The following RAD54L variants were observed in gnomAD, a reference collection of about 807,000 sequenced individuals.
RAD54L encodes the protein DNA repair and recombination protein RAD54-like.
In RAD54L, 74 loss-of-function variants were observed where a neutral mutation model predicts 91.6. The ratio of observed to expected loss-of-function variants is 0.81; its 90% confidence interval spans 0.67 to 0.98. RAD54L has a LOEUF of 0.98. RAD54L is among the 50% of genes least tolerant of loss of function. The pLI, the probability that RAD54L is intolerant of heterozygous loss-of-function variation, is 0.00. For synonymous variants in RAD54L, 304 were observed against 349.7 expected (o/e 0.87, Z 1.46); for missense variants, 887 against 945.7 (o/e 0.94, Z 0.81).
In RAD54L at chr1:46,270,700, T is replaced by A; in HGVS notation, c.1084T>A (p.Leu362Met). Reference sequence around the variant, plus strand: ...CAAGAAGCATTTTGAATTGCCAATTTTGAAGGGTCGAGACGCTGCTGCTAG... The same window carrying A: ...CAAGAAGCATTTTGAATTGCCAATTATGAAGGGTCGAGACGCTGCTGCTAG... ...EFKKHFELPI[L>M]KGRDAAASEA... Residue 362 changes from leucine (L) to methionine (M), a missense_variant, in exon 10 of 18, where the codon TTG (leucine) becomes ATG (methionine). Physicochemically the swap from Leu to Met is conservative, Grantham distance 15. Coordinates refer to ENST00000371975, the MANE Select transcript of RAD54L (RefSeq NM_003579.4). 1 of 1,611,432 alleles carries A rather than the reference T, an allele frequency of 6.2e-7. No individual in the cohort carries two copies. Among genetic ancestry groups the A allele is most frequent in the South Asian group, 1.1e-5 (1 of 89,568 alleles).
chr1:46,261,196 T>G (rs1394716453), intron 7 of RAD54L, 65 bp from the exon 8 acceptor site: 19 of 1,587,720 alleles, frequency 1.2e-5, no homozygotes, highest in Non-Finnish European at 9.5e-6. Context: ...TGTCTAATTG[T>G]TTTTTTTGTT....
At chr1:46,274,041 T>G (rs987191101) in intron 14 of RAD54L, 97 bp from the exon 15 acceptor site, 2 of 1,248,750 alleles carry the variant, frequency 1.6e-6, no homozygotes, top group Non-Finnish European at 2.3e-6. Flanking sequence ...CAAGGGACTC[T>G]GCTTTCTTGG....
chr1:46,269,340 G>A (rs1215382475), intron 9 of RAD54L, among the ~76,000 whole-genome samples: 3 of 145,756 alleles, frequency 2.1e-5, no homozygotes, highest in Non-Finnish European at 4.5e-5. Context: ...ACAGGGTCTC[G>A]CTTTGTCACC....
At chr1:46,257,143 C>CAA (rs576146179) in intron 3 of RAD54L, among the ~76,000 whole-genome samples, 230 of 54,160 alleles carry the variant, frequency 4.2e-3, no homozygotes, top group African/African-American at 0.011. Context: ...GACTCCATCT[C>CAA]AAAAAAAAAA....
chr1:46,273,612 TG>T lies in RAD54L; in HGVS notation c.1487-11del. The T allele has an allele frequency of 1.2e-6, 2 of 1,613,186 alleles. No homozygotes were observed. Among genetic ancestry groups the T allele is most frequent in the Non-Finnish European group, 8.5e-7 (1 of 1,180,024 alleles). ...CAGCCAGTAGGGGACTGCTGGTTGC[TG>T]CTCTTCCCAGGTAAGATGCTGGTCC... On this transcript the variant is annotated splice_polypyrimidine_tract_variant and intron_variant, in intron 13 of 17. Coordinates refer to ENST00000371975, the MANE Select transcript of RAD54L (RefSeq NM_003579.4).
intron 16 of RAD54L, among the ~76,000 whole-genome samples, chr1:46,276,414 G>A (rs1660604176): frequency 6.6e-6 from 1 of 152,004 alleles, no homozygotes; most frequent in South Asian, 2.1e-4. Context: ...ATCCACCTTG[G>A]CCTTCCCAAG....
intron 14 of RAD54L, 108 bp from the exon 15 acceptor site, chr1:46,274,030 C>G: frequency 1.7e-6 from 2 of 1,170,218 alleles, no homozygotes; most frequent in Non-Finnish European, 2.5e-6. Flanking sequence ...CAGTGGCTCT[C>G]CAAGGGACTC....
chr1:46,267,815 C>T (rs1031850002), intron 9 of RAD54L: 1 of 662,026 alleles, frequency 1.5e-6, no homozygotes, highest in Non-Finnish European at 2.6e-6. Context: ...CCCATGTTGG[C>T]CATTTTTCCA....
In RAD54L at chr1:46,276,627, T is replaced by C. The variant is rs1569622683; in HGVS notation, c.1870-1190T>C. 4.6e-5 allele frequency among the ~76,000 whole-genome samples: 7 copies of C among 152,350 alleles called. No homozygotes were observed. The South Asian group carries it at 8.3e-4, about 18-fold the overall frequency. On this transcript the variant is annotated intron_variant, in intron 16 of 17. Transcript: ENST00000371975. ...TCTAACCTTGCTCTCCAAGCCCTCC[T>C]GAGGTCATGGTCATCTGTCACTTGG...
At chr1:46,258,362 C>T (rs1445837539) in intron 3 of RAD54L, among the ~76,000 whole-genome samples, 3 of 150,202 alleles carry the variant, frequency 2.0e-5, no homozygotes, top group African/African-American at 7.4e-5. Flanking sequence ...CCCTATATGA[C>T]AGTGGTTAAA....
intron 17 of RAD54L, 25 bp from the exon 18 acceptor site, chr1:46,278,047 C>T: frequency 6.2e-7 from 1 of 1,614,118 alleles, no homozygotes; most frequent in East Asian, 2.2e-5. Context: ...TCTGTAGTGA[C>T]TTCAGCTGTG....
At position 46,278,228 on chromosome 1, in the gene RAD54L, C is replaced by A. The variant is rs1048771; in HGVS notation, c.2190C>A (p.Ala730=). Residue 730 remains alanine (A), a synonymous_variant, in exon 18 of 18, where the codon GCC becomes GCA. Transcript: ENST00000371975. ...CTGCCTGGGATGCTGCCTCCACTGC[C>A]ATCACCTTCGTCTTCCACCAGCGTT... ...LQAAWDAAST[A]ITFVFHQRSH... 1 of 1,613,618 alleles carries A rather than the reference C, an allele frequency of 6.2e-7. No homozygotes were observed. The highest frequency in any genetic ancestry group is 1.3e-5 in the African/African-American group (1 of 75,006).
At chr1:46,267,352 C>G (rs1043358551) in intron 8 of RAD54L, 107 bp from the exon 9 acceptor site, 1 of 1,485,244 alleles carries the variant, frequency 6.7e-7, no homozygotes, top group Non-Finnish European at 9.3e-7. Flanking sequence ...GCATGAGCCA[C>G]GGCGCCCGGC....
rs2148298251 is a variant in RAD54L, at chr1:46,270,786, G to A, written c.1169+1G>A. 6.2e-7 allele frequency: 1 copy of A among 1,614,008 alleles called. No individual in the cohort carries two copies. Among genetic ancestry groups the A allele is most frequent in the Non-Finnish European group, 8.5e-7 (1 of 1,179,910 alleles). On this transcript the variant is annotated splice_donor_variant, in intron 10 of 17. Transcript: ENST00000371975. LOFTEE classifies it high-confidence loss of function. Reference sequence around the variant, plus strand: ...GGGAGCTCACCAGCATTGTGAATAGGTAATGACCTTAAGCGAAGTCATTAG... The same window carrying A: ...GGGAGCTCACCAGCATTGTGAATAGATAATGACCTTAAGCGAAGTCATTAG...
chr1:46,273,651 T>A lies in RAD54L; in HGVS notation c.1514T>A (p.Leu505Gln), dbSNP rs142028727. The part of the protein sequence containing the change: ...SGKMLVLDYI[L>Q]AVTRSRSSDK... Reference sequence around the variant, plus strand: ...AAGATGCTGGTCCTGGATTATATTCTGGCGGTGACCCGAAGCCGTAGCAGT... The same window carrying A: ...AAGATGCTGGTCCTGGATTATATTCAGGCGGTGACCCGAAGCCGTAGCAGT... The change falls in exon 14 of 18, where the codon CTG (leucine) becomes CAG (glutamine). Residue 505 changes from leucine (L) to glutamine (Q), a missense_variant. Leu to Gln is a moderately radical substitution (Grantham distance 113). Transcript: ENST00000371975. The A allele has an allele frequency of 1.2e-6, 2 of 1,613,844 alleles. No individual in the cohort carries two copies. The highest frequency in any genetic ancestry group is 2.7e-5 in the African/African-American group (2 of 74,904).
At chr1:46,264,481 G>C (rs1414893677) in intron 8 of RAD54L, among the ~76,000 whole-genome samples, 1 of 152,214 alleles carries the variant, frequency 6.6e-6, no homozygotes, top group Non-Finnish European at 1.5e-5. Flanking sequence ...GATCAGCTCT[G>C]GCTTTGCCAC....
At position 46,250,029 on chromosome 1, in the gene RAD54L, G is replaced by C; in HGVS notation, c.120G>C (p.Glu40Asp). Residue 40 changes from glutamate to aspartate, a missense_variant, in exon 3 of 18, where the codon GAG becomes GAC. Coordinates refer to ENST00000371975, the MANE Select transcript of RAD54L (RefSeq NM_003579.4). Reference sequence around the variant, plus strand: ...CTAGGAAACGGAAATCCAGCAGTGAGACCCAGATCCAGGAGTGTTTCCTGT... The same window carrying C: ...CTAGGAAACGGAAATCCAGCAGTGACACCCAGATCCAGGAGTGTTTCCTGT... ...VTPRKRKSSSETQIQECFLSP... is the reference protein window; with the variant it reads ...VTPRKRKSSSDTQIQECFLSP... The C allele has an allele frequency of 6.2e-7, 1 of 1,614,100 alleles. No homozygotes were observed. The highest frequency in any genetic ancestry group is 8.5e-7 in the Non-Finnish European group (1 of 1,179,968).
In RAD54L at chr1:46,278,411, C is replaced by G. The variant is rs1317477104; in HGVS notation, c.*129C>G. 9.1e-7 allele frequency: 1 copy of G among 1,097,754 alleles called. No individual in the cohort carries two copies. Among genetic ancestry groups the G allele is most frequent in the Non-Finnish European group, 1.3e-6 (1 of 755,876 alleles). The allele number at this position is 1,097,754 out of a possible 1,614,324, so 68.0% of individuals were successfully genotyped here. On this transcript the variant is annotated 3_prime_UTR_variant, in exon 18 of 18. Transcript: ENST00000371975. ...CAAGAAGGGCTGCATGATGTTTGCCCAAAATTTATTTTATAAGAAAAACTT... is the reference window on the plus strand; with the variant it reads ...CAAGAAGGGCTGCATGATGTTTGCCGAAAATTTATTTTATAAGAAAAACTT...
intron 2 of RAD54L, 28 bp downstream of exon 2, chr1:46,248,626 G>A (rs758567732): frequency 6.2e-7 from 1 of 1,605,102 alleles, no homozygotes; most frequent in Non-Finnish European, 8.5e-7. Flanking sequence ...CAGGGAAGGT[G>A]GGTAGAGCTG....
Sources: gnomAD v4.1 joint callset for allele counts (sites outside exome capture counted in the v4.1 genomes callset) on GRCh38, gnomAD v4.1.1 for gene constraint, MANE v1.5 for transcripts, NCBI Gene and HGNC (gene_info 2026-07-23, HGNC 2026-07-21) for gene names.